Variants in IGF1 observed in about 807,000 individuals in gnomAD.
IGF1 encodes the protein insulin-like growth factor 1.
IGF1 carries 4 observed loss-of-function variants against 13.8 expected under a neutral mutation model. The ratio of observed to expected loss-of-function variants is 0.29; its 90% confidence interval spans 0.14 to 0.66. The LOEUF is 0.66. IGF1 is among the 30% of genes least tolerant of loss of function. The pLI, the probability that IGF1 is intolerant of heterozygous loss-of-function variation, is 0.78. For synonymous variants in IGF1, 76 were observed against 72.6 expected (o/e 1.05, Z -0.23); for missense variants, 124 against 188.5 (o/e 0.66, Z 2.00).
Position 102,402,060 on chromosome 12 carries a change from C to G in IGF1, c.*447G>C, listed in dbSNP as rs556986582. The G allele has an allele frequency of 1.4e-4, 21 of 155,192 alleles. No homozygotes were observed. The highest frequency in any genetic ancestry group is 6.1e-4 in the South Asian group (3 of 4,932). 9.6% of individuals were successfully genotyped at this position (155,192 alleles called of 1,614,324 possible). On this transcript the variant is annotated 3_prime_UTR_variant, in exon 4 of 4. Transcript: ENST00000337514. ...AGATTATCAGACACTGTAAAACAAA[C>G]AGCCCGAGTTGTGTAGAAAGAAGTG...
intron 2 of IGF1, among the ~76,000 whole-genome samples, chr12:102,420,355 T>C (rs1875595652): frequency 6.6e-6 from 1 of 152,244 alleles, no homozygotes. Flanking sequence ...CACTAAGCTC[T>C]CTGGGCCTCA....
intron 2 of IGF1, among the ~76,000 whole-genome samples, chr12:102,462,567 G>T (rs1291172259): frequency 6.6e-6 from 1 of 152,148 alleles, no homozygotes; most frequent in Non-Finnish European, 1.5e-5. Flanking sequence ...CTACAGAAAT[G>T]CCAGCCAGAT....
chr12:102,465,069 A>G (rs920140769), intron 2 of IGF1, among the ~76,000 whole-genome samples: 3 of 152,226 alleles, frequency 2.0e-5, no homozygotes, highest in African/African-American at 7.2e-5. Context: ...CTGAAGATAC[A>G]TTAATTAACT....
rs1875464966 is a variant in IGF1, at chr12:102,419,395, G to A, written c.402+114C>T. On this transcript the variant is annotated intron_variant, in intron 3 of 3. Coordinates refer to ENST00000337514, the MANE Select transcript of IGF1 (RefSeq NM_000618.5). The stretch of plus-strand genomic sequence containing the variant: ...TAATCCATCCCTTTGGTGCAAAGGA[G>A]CTTTTCTGACTTGTAAGCCAGGAGA... The A allele has an allele frequency of 2.9e-6, 3 of 1,034,230 alleles. No homozygotes were observed. The Middle Eastern group carries it at 9.6e-4, about 330-fold the overall frequency. 64.1% of individuals were successfully genotyped at this position (1,034,230 alleles called of 1,614,324 possible).
chr12:102,478,860 G>A (rs1881237703), intron 1 of IGF1, among the ~76,000 whole-genome samples: 1 of 152,138 alleles, frequency 6.6e-6, no homozygotes, highest in Non-Finnish European at 1.5e-5. Context: ...GAGAGTCAGA[G>A]TACAATCAGC....
chr12:102,457,086 A>T (rs1395372612), intron 2 of IGF1, among the ~76,000 whole-genome samples: 1 of 152,176 alleles, frequency 6.6e-6, no homozygotes, highest in Non-Finnish European at 1.5e-5. Flanking sequence ...CAACCAGCGA[A>T]TTCAAGGCTT....
At chr12:102,443,893 C>G (rs1203044146) in intron 2 of IGF1, among the ~76,000 whole-genome samples, 1 of 152,012 alleles carries the variant, frequency 6.6e-6, no homozygotes, top group Non-Finnish European at 1.5e-5. Flanking sequence ...GATACACAAT[C>G]TTGGCTAACT....
At chr12:102,477,364 C>T (rs765289091) in intron 1 of IGF1, among the ~76,000 whole-genome samples, 1 of 151,592 alleles carries the variant, frequency 6.6e-6, no homozygotes, top group Non-Finnish European at 1.5e-5. Context: ...ATGAAAAGCG[C>T]CCTCTATTTG....
At position 102,446,787 on chromosome 12, in the gene IGF1, C is replaced by T. The variant is rs566429493; in HGVS notation, c.221-27097G>A. ...TAGTTTTCGAATTTGTTTGCTCTTGCTTCTCTAGTTCTTTTAATTGTGATG... is the reference window on the plus strand; with the variant it reads ...TAGTTTTCGAATTTGTTTGCTCTTGTTTCTCTAGTTCTTTTAATTGTGATG... On this transcript the variant is annotated intron_variant, in intron 2 of 3. Transcript: ENST00000337514. Among the ~76,000 whole-genome samples the T allele has an allele frequency of 2.0e-5, 3 of 152,182 alleles. 1 individual carries two copies. Among genetic ancestry groups the T allele is most frequent in the African/African-American group, 7.2e-5 (3 of 41,528 alleles).
Position 102,397,590 on chromosome 12 carries a change from C to A in IGF1, c.*4917G>T, listed in dbSNP as rs1873320536. ...AAGGTCTTATAAAATATTAAAATAG[C>A]AATAAGCAAATATGTACTACAGGAT... On this transcript the variant is annotated 3_prime_UTR_variant, in exon 4 of 4. Transcript: ENST00000337514. 6.6e-6 allele frequency: 1 copy of A among 152,070 alleles called. No homozygotes were observed. The highest frequency in any genetic ancestry group is 2.4e-5 in the African/African-American group (1 of 41,410). 9.4% of individuals were successfully genotyped at this position (152,070 alleles called of 1,614,324 possible). A position where few individuals can be genotyped will look rare whatever the true frequency, so the allele number is the denominator to read the frequency against.
At chr12:102,414,034 G>C (rs1221893110) in intron 3 of IGF1, among the ~76,000 whole-genome samples, 1 of 152,158 alleles carries the variant, frequency 6.6e-6, no homozygotes, top group African/African-American at 2.4e-5. Flanking sequence ...TCTACTTCAG[G>C]AGACCAACTT....
chr12:102,418,004 C>G (rs1423693184), intron 3 of IGF1: 4 of 1,604,678 alleles, frequency 2.5e-6, no homozygotes, highest in Admixed American at 1.8e-5. Context: ...GGGGCTGATA[C>G]TGTAAACATC....
intron 2 of IGF1, among the ~76,000 whole-genome samples, chr12:102,465,178 C>T (rs1196850701): frequency 2.0e-5 from 3 of 152,198 alleles, no homozygotes; most frequent in African/African-American, 7.2e-5. Flanking sequence ...GCCAAATTAA[C>T]TTTTCCAGAT....
intron 2 of IGF1, among the ~76,000 whole-genome samples, chr12:102,432,216 T>C (rs998061802): frequency 6.6e-6 from 1 of 152,216 alleles, no homozygotes; most frequent in Non-Finnish European, 1.5e-5. Flanking sequence ...TGCTATATAG[T>C]TTTCATAATT....
chr12:102,422,160 T>C (rs1174824296), intron 2 of IGF1, among the ~76,000 whole-genome samples: 1 of 152,222 alleles, frequency 6.6e-6, no homozygotes. Context: ...TCGATGGGTT[T>C]AGGTACAGAG....
chr12:102,406,010 G>T (rs1038509986), intron 3 of IGF1, among the ~76,000 whole-genome samples: 1 of 152,238 alleles, frequency 6.6e-6, no homozygotes, highest in Admixed American at 6.5e-5. Flanking sequence ...TTCTGGGTCT[G>T]TCTCAGCATC....
At chr12:102,417,986 G>T in intron 3 of IGF1, 1 of 1,612,618 alleles carries the variant, frequency 6.2e-7, no homozygotes, top group African/African-American at 1.3e-5. Flanking sequence ...TGTTCTTGTT[G>T]GTAGATGGGG....
chr12:102,451,962 T>C (rs1158238355), intron 2 of IGF1, among the ~76,000 whole-genome samples: 2 of 152,120 alleles, frequency 1.3e-5, no homozygotes, highest in Non-Finnish European at 2.9e-5. Context: ...CCTGCCACCA[T>C]GTAAGATATG....
intron 3 of IGF1, among the ~76,000 whole-genome samples, chr12:102,414,817 T>C (rs570332105): frequency 6.6e-6 from 1 of 152,312 alleles, no homozygotes; most frequent in South Asian, 2.1e-4. Flanking sequence ...TAACAAATAC[T>C]TTTCACCAAT....
Sources: allele counts gnomAD v4.1 joint callset (sites outside exome capture counted in the v4.1 genomes callset), GRCh38; gene constraint gnomAD v4.1.1; transcripts MANE v1.5; gene names NCBI Gene and HGNC (gene_info 2026-07-23, HGNC 2026-07-21).